ELAPOR2: variants seen among roughly 807,000 people sequenced by gnomAD.
ELAPOR2 encodes the protein endosome/lysosome-associated apoptosis and autophagy regulator family member 2.
A neutral mutation model predicts 120.7 loss-of-function variants in ELAPOR2; 89 were observed. The observed-to-expected ratio is 0.74, with a 90% CI of 0.62 to 0.88. The LOEUF is 0.88. Ranked by LOEUF, ELAPOR2 falls within the 40% of genes least tolerant of loss-of-function variation. The pLI is 0.00. For missense variants in ELAPOR2, 1,134 were observed against 1,251.6 expected, an observed-to-expected ratio of 0.91 and a Z score of 1.42; for synonymous variants, 444 against 444.9, an observed-to-expected ratio of 1.00 and a Z score of 0.03.
chr7:87,032,226 T>C (rs558674251), intron 1 of ELAPOR2, among the ~76,000 whole-genome samples: 1 of 152,312 alleles, frequency 6.6e-6, no homozygotes, highest in East Asian at 1.9e-4. Context: ...GAGGCAATGA[T>C]TTAACTTCTA....
At chr7:87,026,046 A>AT (rs1274593583) in intron 1 of ELAPOR2, among the ~76,000 whole-genome samples, 1 of 152,124 alleles carries the variant, frequency 6.6e-6, no homozygotes, top group African/African-American at 2.4e-5. Flanking sequence ...ACCTACGCAT[A>AT]TATCTACTTC....
intron 1 of ELAPOR2, among the ~76,000 whole-genome samples, chr7:86,975,507 C>A (rs1792253944): frequency 6.6e-6 from 1 of 152,196 alleles, no homozygotes; most frequent in Non-Finnish European, 1.5e-5. Flanking sequence ...CTTAAAACAT[C>A]TATTAAAAGG....
At chr7:87,025,658 A>C (rs903645858) in intron 1 of ELAPOR2, among the ~76,000 whole-genome samples, 2 of 152,138 alleles carry the variant, frequency 1.3e-5, no homozygotes, top group Non-Finnish European at 2.9e-5. Context: ...CTTCTGGATA[A>C]TTAAAATTAG....
chr7:86,924,425 A>G (rs1789969515), intron 10 of ELAPOR2, among the ~76,000 whole-genome samples: 1 of 151,186 alleles, frequency 6.6e-6, no homozygotes, highest in African/African-American at 2.4e-5. Context: ...TAGTCCTTTT[A>G]TAGAGTTATT....
intron 19 of ELAPOR2, among the ~76,000 whole-genome samples, chr7:86,895,058 A>G (rs1788375342): frequency 6.6e-6 from 1 of 152,114 alleles, no homozygotes; most frequent in Admixed American, 6.6e-5. Context: ...CAATCAACAT[A>G]AAGTAAAAAA....
chr7:86,880,435 T>C lies in ELAPOR2; in HGVS notation c.*36A>G. On this transcript the variant is annotated 3_prime_UTR_variant, in exon 22 of 22. Coordinates refer to ENST00000450689, the MANE Select transcript of ELAPOR2 (RefSeq NM_001142749.3). ...GTCCTGTAAAACTAGAGCAGGTTTC[T>C]TTGTTCATTAGTCTCAAGGCTACAG... 2 of 1,496,250 alleles carry C rather than the reference T, an allele frequency of 1.3e-6. No individual in the cohort carries two copies. Among genetic ancestry groups the C allele is most frequent in the Non-Finnish European group, 1.9e-6 (2 of 1,073,896 alleles). 92.7% of individuals were successfully genotyped at this position (1,496,250 alleles called of 1,614,324 possible).
chr7:86,952,428 A>G (rs1315636613), intron 2 of ELAPOR2, among the ~76,000 whole-genome samples: 1 of 152,238 alleles, frequency 6.6e-6, no homozygotes, highest in Admixed American at 6.5e-5. Context: ...GTGGGGCCTC[A>G]GAGAAAATTC....
intron 1 of ELAPOR2, among the ~76,000 whole-genome samples, chr7:86,987,132 T>C (rs955284204): frequency 2.0e-5 from 3 of 152,188 alleles, no homozygotes; most frequent in Admixed American, 6.5e-5. Context: ...CTGGGAAAAC[T>C]GGGTAGTCAT....
chr7:87,049,625 T>G (rs1263242381), intron 1 of ELAPOR2, among the ~76,000 whole-genome samples: 1 of 152,086 alleles, frequency 6.6e-6, no homozygotes, highest in Non-Finnish European at 1.5e-5. Flanking sequence ...AAATGACAAT[T>G]GAGTAGAAAC....
intron 21 of ELAPOR2, among the ~76,000 whole-genome samples, chr7:86,887,314 G>C (rs1028007759): frequency 1.3e-5 from 2 of 152,084 alleles, no homozygotes; most frequent in African/African-American, 2.4e-5. Context: ...TGCCATCATA[G>C]ACTGGGCACA....
intron 10 of ELAPOR2, among the ~76,000 whole-genome samples, chr7:86,920,153 AATGTT>A (rs1265000256): frequency 6.6e-6 from 1 of 152,154 alleles, no homozygotes; most frequent in Admixed American, 6.6e-5. Context: ...CGATTTTTGA[AATGTT>A]ATAATCAACA....
rs374793239 is a variant in ELAPOR2 at position 86,907,635 on chromosome 7, C to T, written c.2558+35G>A. On this transcript the variant is annotated intron_variant, in intron 18 of 21. Coordinates refer to ENST00000450689, the MANE Select transcript of ELAPOR2 (RefSeq NM_001142749.3). ...AACATTCTGGAGAGTTTTTCTTCCTCATGGTAAACACAAATCATATGGAAA... is the reference window on the plus strand; with the variant it reads ...AACATTCTGGAGAGTTTTTCTTCCTTATGGTAAACACAAATCATATGGAAA... 23 of 1,328,350 alleles carry T rather than the reference C, an allele frequency of 1.7e-5. No homozygotes were observed. The African/African-American group carries it at 3.5e-4, about 20-fold the overall frequency. The allele number at this position is 1,328,350 out of a possible 1,614,324, so 82.3% of individuals were successfully genotyped here. A position where few individuals can be genotyped will look rare whatever the true frequency, so the allele number is the denominator to read the frequency against.
At chr7:86,991,058 T>C (rs1428991209) in intron 1 of ELAPOR2, among the ~76,000 whole-genome samples, 7 of 152,194 alleles carry the variant, frequency 4.6e-5, no homozygotes, top group Non-Finnish European at 1.0e-4. Flanking sequence ...TTTATTAATC[T>C]ATCATTGTAT....
At chr7:87,045,410 A>G in intron 1 of ELAPOR2, among the ~76,000 whole-genome samples, 1 of 151,004 alleles carries the variant, frequency 6.6e-6, no homozygotes, top group South Asian at 2.1e-4. Context: ...CATATACACC[A>G]TGGAATACTA....
chr7:86,965,227 G>T (rs6977048), intron 1 of ELAPOR2, among the ~76,000 whole-genome samples: 9,555 of 152,068 alleles, frequency 0.063, 384 homozygotes, highest in African/African-American at 0.1. Context: ...AGATGATGCA[G>T]GACAGGACAG....
In ELAPOR2 at chr7:87,005,887, C is replaced by T. The variant is rs553341161; in HGVS notation, c.190-40863G>A. On this transcript the variant is annotated intron_variant, in intron 1 of 21. Transcript: ENST00000450689. Reference sequence around the variant, plus strand: ...GATTTCTTTGACCAAATACAGAATGCAATAATTATAAAAGAAGAAAGAAAG... The same window carrying T: ...GATTTCTTTGACCAAATACAGAATGTAATAATTATAAAAGAAGAAAGAAAG... Among the ~76,000 whole-genome samples the T allele has an allele frequency of 6.3e-4, 96 of 152,076 alleles. 1 individual carries two copies. Among genetic ancestry groups the T allele is most frequent in the Middle Eastern group, 3.4e-3 (1 of 294 alleles).
At chr7:86,975,536 A>G (rs952211513) in intron 1 of ELAPOR2, among the ~76,000 whole-genome samples, 1 of 152,172 alleles carries the variant, frequency 6.6e-6, no homozygotes, top group Non-Finnish European at 1.5e-5. Context: ...TTAATCATAA[A>G]CATTAGACAC....
intron 8 of ELAPOR2, among the ~76,000 whole-genome samples, chr7:86,933,089 T>C (rs2116281989): frequency 6.6e-6 from 1 of 151,890 alleles, no homozygotes; most frequent in African/African-American, 2.4e-5. Context: ...TGACTTGCTA[T>C]ATTTATATTC....
At chr7:86,929,892 G>T (rs1230001849) in intron 8 of ELAPOR2, among the ~76,000 whole-genome samples, 4 of 151,754 alleles carry the variant, frequency 2.6e-5, no homozygotes, top group African/African-American at 9.7e-5. Flanking sequence ...TCCTGCTCTG[G>T]CCATTTAAGA....
Sources: gnomAD v4.1 joint callset for allele counts (sites outside exome capture counted in the v4.1 genomes callset) on GRCh38, gnomAD v4.1.1 for gene constraint, MANE v1.5 for transcripts, NCBI Gene and HGNC (gene_info 2026-07-23, HGNC 2026-07-21) for gene names.